Variants in ANO2 observed in about 807,000 individuals in gnomAD.
ANO2 encodes anoctamin-2.
A neutral mutation model predicts 124.2 loss-of-function variants in ANO2; 101 were observed. That is an observed-to-expected ratio of 0.81 (90% CI 0.69 to 0.96). The LOEUF is 0.96. Ranked by LOEUF, ANO2 falls within the 40% of genes least tolerant of loss-of-function variation. ANO2 has a pLI of 0.00. For missense variants in ANO2, 1,293 were observed against 1,274.5 expected, an observed-to-expected ratio of 1.01 and a Z score of -0.22; for synonymous variants, 486 against 482.5, an observed-to-expected ratio of 1.01 and a Z score of -0.09.
At chr12:5,730,525 A>G (rs1482988366) in intron 14 of ANO2, among the ~76,000 whole-genome samples, 1 of 152,188 alleles carries the variant, frequency 6.6e-6, no homozygotes, top group East Asian at 1.9e-4. Flanking sequence ...CTGGGGTGAG[A>G]CAAGCACATC....
chr12:5,647,541 C>T (rs947474355), intron 15 of ANO2, among the ~76,000 whole-genome samples, 186 bp downstream of exon 15: 3 of 152,210 alleles, frequency 2.0e-5, no homozygotes, highest in Non-Finnish European at 4.4e-5. Flanking sequence ...CCTGGAAGTT[C>T]CAAATTCTAG....
At position 5,732,602 on chromosome 12, in the gene ANO2, T is replaced by C. The variant is rs1933007644; in HGVS notation, c.1463A>G (p.Lys488Arg). Residue 488 changes from lysine (K) to arginine (R), a missense_variant, in exon 14 of 25, where the codon AAA becomes AGA. Physicochemically the swap from Lys to Arg is conservative, Grantham distance 26. Transcript: ENST00000682330. The part of the protein sequence containing the change: ...EEHSRPEYET[K>R]VREKMLKESN... ...CTCCTTTAGCATTTTCTCTCGAACTTTGGTTTCATACTCAGGCCTGGAATG... is the reference window on the plus strand; with the variant it reads ...CTCCTTTAGCATTTTCTCTCGAACTCTGGTTTCATACTCAGGCCTGGAATG... 3 of 1,613,782 alleles carry C rather than the reference T, an allele frequency of 1.9e-6. No individual in the cohort carries two copies. Among genetic ancestry groups the C allele is most frequent in the South Asian group, 2.2e-5 (2 of 91,044 alleles).
At chr12:5,837,559 G>A (rs368110251) in intron 4 of ANO2, among the ~76,000 whole-genome samples, 1 of 142,060 alleles carries the variant, frequency 7.0e-6, no homozygotes, top group South Asian at 2.2e-4. Flanking sequence ...TCCCACCTAT[G>A]AGTGAGAATA....
At chr12:5,795,927 T>C (rs574491362) in intron 10 of ANO2, among the ~76,000 whole-genome samples, 1 of 152,246 alleles carries the variant, frequency 6.6e-6, no homozygotes, top group South Asian at 2.1e-4. Context: ...AGGACCCTCT[T>C]CCAGCTCCCT....
chr12:5,653,124 G>A (rs1213508726), intron 14 of ANO2, among the ~76,000 whole-genome samples: 1 of 152,206 alleles, frequency 6.6e-6, no homozygotes, highest in African/African-American at 2.4e-5. Context: ...GCCAGGACTG[G>A]AGTGGAACTG....
At chr12:5,879,349 G>A (rs1181191935) in intron 3 of ANO2, among the ~76,000 whole-genome samples, 2 of 152,162 alleles carry the variant, frequency 1.3e-5, no homozygotes, top group African/African-American at 4.8e-5. Flanking sequence ...AAGATAAAAG[G>A]AAAAGTCTAA....
At position 5,638,237 on chromosome 12, in the gene ANO2, C is replaced by CTT. The variant is rs35224024; in HGVS notation, c.1621-2892_1621-2891dup. Among the ~76,000 whole-genome samples the CTT allele has an allele frequency of 1.8e-4, 22 of 124,864 alleles. 1 individual carries two copies. The highest frequency in any genetic ancestry group is 5.5e-4 in the East Asian group (2 of 3,658). The allele number at this position is 124,864 out of a possible 152,430, so 81.9% of individuals were successfully genotyped here. ...ATCTTCACTAGCACTGTTTCTTTTC[C>CTT]TTTTTTTTTTTTTTTTGAGACGGAG... On this transcript the variant is annotated intron_variant, in intron 15 of 24. Coordinates refer to ENST00000682330, the MANE Select transcript of ANO2 (RefSeq NM_001364791.2).
rs529290946 is a variant in ANO2, at chr12:5,608,208, T to C, written c.2087+4448A>G. ...TTTTCTTGTTTATGTTTCATCTGTG[T>C]CATCCATGCCAGGTACTTCAACTCT... On this transcript the variant is annotated intron_variant, in intron 19 of 24. Transcript: ENST00000682330. Among the ~76,000 whole-genome samples the C allele has an allele frequency of 5.3e-5, 8 of 151,866 alleles. No homozygotes were observed. The East Asian group carries it at 5.8e-4, about 11-fold the overall frequency.
chr12:5,808,536 G>T (rs545570367), intron 7 of ANO2, among the ~76,000 whole-genome samples: 35 of 152,122 alleles, frequency 2.3e-4, no homozygotes, highest in African/African-American at 8.4e-4. Flanking sequence ...GGGGAGGAGA[G>T]GGGGAATTTC....
At chr12:5,661,671 AC>A (rs1347484159) in intron 14 of ANO2, among the ~76,000 whole-genome samples, 2 of 152,136 alleles carry the variant, frequency 1.3e-5, no homozygotes, top group African/African-American at 4.8e-5. Flanking sequence ...ACTGGGTCCC[AC>A]TTTAGCTAAT....
intron 1 of ANO2, 107 bp downstream of exon 1, chr12:5,945,089 T>C (rs1243949277): frequency 2.7e-6 from 3 of 1,114,096 alleles, no homozygotes; most frequent in African/African-American, 1.6e-5. Flanking sequence ...CCAGGCTCCC[T>C]TGGGGGTCCC....
chr12:5,884,700 T>C (rs771788258), intron 3 of ANO2, among the ~76,000 whole-genome samples: 2 of 152,230 alleles, frequency 1.3e-5, no homozygotes, highest in African/African-American at 2.4e-5. Flanking sequence ...GAGATCCTTT[T>C]GTTCAACTCA....
intron 11 of ANO2, among the ~76,000 whole-genome samples, chr12:5,749,161 C>T (rs961076055): frequency 6.6e-6 from 1 of 152,166 alleles, no homozygotes; most frequent in Non-Finnish European, 1.5e-5. Context: ...AGGTTTCTGC[C>T]CACTGATGCA....
intron 14 of ANO2, among the ~76,000 whole-genome samples, chr12:5,678,265 T>C (rs1834140658): frequency 6.6e-6 from 1 of 152,178 alleles, no homozygotes; most frequent in African/African-American, 2.4e-5. Flanking sequence ...ATACGCTTGA[T>C]GGCTATATCT....
intron 14 of ANO2, among the ~76,000 whole-genome samples, chr12:5,650,388 AC>A (rs1281999985): frequency 6.6e-6 from 1 of 152,130 alleles, no homozygotes; most frequent in African/African-American, 2.4e-5. Context: ...TTGAAAAATC[AC>A]CCCTTCTCAT....
intron 10 of ANO2, among the ~76,000 whole-genome samples, chr12:5,796,207 ACT>A (rs948700632): frequency 1.8e-4 from 27 of 150,556 alleles, no homozygotes; most frequent in African/African-American, 5.9e-4. Flanking sequence ...ATACACTCAC[ACT>A]CTCACACTGA....
intron 3 of ANO2, among the ~76,000 whole-genome samples, chr12:5,855,698 A>G (rs1451713823): frequency 6.6e-6 from 1 of 152,256 alleles, no homozygotes; most frequent in Non-Finnish European, 1.5e-5. Context: ...ACTATGCTGT[A>G]AGGCCAGTAC....
chr12:5,794,917 G>A (rs1203804249), intron 10 of ANO2, among the ~76,000 whole-genome samples: 1 of 152,210 alleles, frequency 6.6e-6, no homozygotes, highest in Non-Finnish European at 1.5e-5. Flanking sequence ...TCTCTCTCCA[G>A]TTCCTCCTCT....
intron 14 of ANO2, among the ~76,000 whole-genome samples, chr12:5,680,321 C>A (rs868104941): frequency 6.6e-6 from 1 of 152,018 alleles, no homozygotes. Flanking sequence ...GAAAAAGAAT[C>A]CACCTGCACC....
Sources: gnomAD v4.1 joint callset for allele counts (sites outside exome capture counted in the v4.1 genomes callset) on GRCh38, gnomAD v4.1.1 for gene constraint, MANE v1.5 for transcripts, NCBI Gene and HGNC (gene_info 2026-07-23, HGNC 2026-07-21) for gene names.